The following PKN2 variants were observed in gnomAD, a reference collection of about 807,000 sequenced individuals.
PKN2 encodes the protein protein kinase N2, also known as serine/threonine-protein kinase N2.
PKN2 carries 38 observed loss-of-function variants against 119.1 expected under a neutral mutation model. The ratio of observed to expected loss-of-function variants is 0.32; its 90% CI spans 0.25 to 0.42. The LOEUF (loss-of-function observed/expected upper bound fraction) is 0.42, where lower values mean the gene tolerates loss of function less well. Ranked by LOEUF, PKN2 falls within the 10% of genes least tolerant of loss-of-function variation. The pLI is 1.00. For missense variants in PKN2, 850 were observed against 1,165.1 expected (o/e 0.73, Z 3.94); for synonymous variants, 390 against 384.9 (o/e 1.01, Z -0.15).
At chr1:88,793,893 T>C (rs528700244) in intron 8 of PKN2, among the ~76,000 whole-genome samples, 33 of 152,168 alleles carry the variant, frequency 2.2e-4, no homozygotes, top group Non-Finnish European at 5.9e-5. Context: ...TCCCCAAATA[T>C]TTTCAGTCGT....
intron 16 of PKN2, among the ~76,000 whole-genome samples, chr1:88,820,829 A>T (rs1672252382): frequency 6.6e-6 from 1 of 152,334 alleles, no homozygotes; most frequent in South Asian, 2.1e-4. Context: ...GTCTGTTCAT[A>T]GGCTATTCTA....
intron 6 of PKN2, among the ~76,000 whole-genome samples, chr1:88,772,808 T>A (rs1404222540): frequency 6.6e-6 from 1 of 152,214 alleles, no homozygotes; most frequent in African/African-American, 2.4e-5. Context: ...ATAAAGTGGG[T>A]TTCAGTATCT....
chr1:88,830,007 A>G (rs1044340763), intron 19 of PKN2, among the ~76,000 whole-genome samples: 3 of 152,230 alleles, frequency 2.0e-5, no homozygotes, highest in African/African-American at 7.2e-5. Flanking sequence ...TCATGTGCTA[A>G]GCACTGTACT....
chr1:88,753,124 T>G (rs139999988), intron 2 of PKN2, among the ~76,000 whole-genome samples: 1 of 152,302 alleles, frequency 6.6e-6, no homozygotes, highest in African/African-American at 2.4e-5. Flanking sequence ...AGAATGCTTT[T>G]ATTTGCCTAC....
intron 8 of PKN2, among the ~76,000 whole-genome samples, chr1:88,802,965 T>C (rs928313409): frequency 6.6e-6 from 1 of 152,214 alleles, no homozygotes; most frequent in African/African-American, 2.4e-5. Flanking sequence ...ACATGATTCT[T>C]CCTCCAGTTT....
chr1:88,800,487 C>T (rs1212313335), intron 8 of PKN2, among the ~76,000 whole-genome samples: 2 of 152,066 alleles, frequency 1.3e-5, no homozygotes, highest in Non-Finnish European at 1.5e-5. Context: ...TTGTTGAAAA[C>T]CCACCTTAGC....
intron 17 of PKN2, among the ~76,000 whole-genome samples, chr1:88,823,702 T>TCAAAA (rs1460436186): frequency 8.1e-6 from 1 of 123,262 alleles, no homozygotes; most frequent in Non-Finnish European, 1.6e-5. Flanking sequence ...AGACTCTGTC[T>TCAAAA]TAAAAAAAAA....
intron 1 of PKN2, among the ~76,000 whole-genome samples, chr1:88,701,545 T>G (rs756647692): frequency 1.2e-4 from 18 of 152,334 alleles, no homozygotes; most frequent in Non-Finnish European, 2.1e-4. Flanking sequence ...CAGCAAAGCA[T>G]TAAGTATTCT....
intron 6 of PKN2, among the ~76,000 whole-genome samples, chr1:88,778,271 C>T (rs981965074): frequency 1.3e-5 from 2 of 152,246 alleles, no homozygotes; most frequent in African/African-American, 2.4e-5. Flanking sequence ...AGACCTGTCT[C>T]AGATACTTTT....
intron 1 of PKN2, among the ~76,000 whole-genome samples, chr1:88,723,419 C>A (rs1667775743): frequency 6.8e-6 from 1 of 147,798 alleles, no homozygotes; most frequent in Non-Finnish European, 1.5e-5. Flanking sequence ...TGCCCCCCCC[C>A]CTTTTATTTA....
At chr1:88,699,003 C>T (rs1666655076) in intron 1 of PKN2, among the ~76,000 whole-genome samples, 7 of 152,126 alleles carry the variant, frequency 4.6e-5, no homozygotes, top group Admixed American at 2.0e-4. Flanking sequence ...TTCCCTTGCA[C>T]GGACTTTATT....
At chr1:88,817,952 A>G (rs575162257) in intron 16 of PKN2, among the ~76,000 whole-genome samples, 1 of 152,360 alleles carries the variant, frequency 6.6e-6, no homozygotes, top group Non-Finnish European at 1.5e-5. Flanking sequence ...TGGAGATGAC[A>G]TGATTATATA....
At chr1:88,795,425 A>G (rs1328833845) in intron 8 of PKN2, among the ~76,000 whole-genome samples, 2 of 152,114 alleles carry the variant, frequency 1.3e-5, no homozygotes, top group South Asian at 2.1e-4. Flanking sequence ...TCCTAGCTCT[A>G]TTGATAGGTC....
chr1:88,792,910 A>G (rs1313326838), intron 8 of PKN2, among the ~76,000 whole-genome samples: 1 of 152,242 alleles, frequency 6.6e-6, no homozygotes. Context: ...TTCAAGGTTT[A>G]TGGTATTGCA....
At chr1:88,766,891 C>A (rs1182205085) in intron 3 of PKN2, among the ~76,000 whole-genome samples, 1 of 152,072 alleles carries the variant, frequency 6.6e-6, no homozygotes, top group East Asian at 1.9e-4. Flanking sequence ...TCCTGCAGAT[C>A]CTCCAGAAAT....
intron 8 of PKN2, among the ~76,000 whole-genome samples, chr1:88,790,804 AG>A (rs1265489437): frequency 6.6e-5 from 10 of 152,086 alleles, no homozygotes; most frequent in African/African-American, 2.2e-4. Flanking sequence ...TAAACCTCTT[AG>A]ATTGATCCTG....
Position 88,832,790 on chromosome 1 carries a change from T to C in PKN2, c.2609T>C (p.Val870Ala). The C allele has an allele frequency of 6.2e-7, 1 of 1,604,842 alleles. No individual in the cohort carries two copies. The highest frequency in any genetic ancestry group is 8.5e-7 in the Non-Finnish European group (1 of 1,173,442). ...DDEEEVFDSI[V>A]NDEVRYPRFL... ...GAAGAGGAAGTTTTTGACAGTATTG[T>C]AAATGATGAAGTAAGGTATCCAAGG... Residue 870 changes from valine to alanine, a missense_variant, in exon 20 of 22, where the codon GTA becomes GCA. Val to Ala is a moderately conservative substitution (Grantham distance 64). Transcript: ENST00000370521.
chr1:88,715,145 C>T (rs968351238), intron 1 of PKN2, among the ~76,000 whole-genome samples: 1 of 152,008 alleles, frequency 6.6e-6, no homozygotes, highest in Non-Finnish European at 1.5e-5. Flanking sequence ...GGTGGATAAG[C>T]TTTTTGATGT....
At chr1:88,734,178 T>A (rs996771582) in intron 1 of PKN2, among the ~76,000 whole-genome samples, 1 of 150,342 alleles carries the variant, frequency 6.7e-6, no homozygotes, top group Admixed American at 6.6e-5. Context: ...AAAAAAAAAA[T>A]TTGGAGCGTT....
Sources: allele counts gnomAD v4.1 joint callset (sites outside exome capture counted in the v4.1 genomes callset), GRCh38; gene constraint gnomAD v4.1.1; transcripts MANE v1.5; gene names NCBI Gene and HGNC (gene_info 2026-07-23, HGNC 2026-07-21).